The following DPP10 variants were observed in gnomAD, a reference collection of about 807,000 sequenced individuals.
DPP10 encodes dipeptidyl peptidase like 10.
Under a neutral mutation model 120.9 loss-of-function variants are expected in DPP10, and 33 were observed. That is an observed-to-expected ratio of 0.27 (90% confidence interval 0.21 to 0.37). DPP10 has a LOEUF of 0.37. DPP10 is among the 10% of genes least tolerant of loss of function. DPP10 has a pLI of 1.00. For missense variants in DPP10, 816 were observed against 942.8 expected, an observed-to-expected ratio of 0.87 and a Z score of 1.76; for synonymous variants, 337 against 326.1, an observed-to-expected ratio of 1.03 and a Z score of -0.36.
intron 1 of DPP10, among the ~76,000 whole-genome samples, chr2:114,986,828 T>C (rs1700425099): frequency 6.6e-6 from 1 of 152,168 alleles, no homozygotes; most frequent in South Asian, 2.1e-4. Context: ...TGGAGTGCAG[T>C]GGCGCAATCT....
intron 19 of DPP10, among the ~76,000 whole-genome samples, chr2:115,803,061 AT>A (rs1380616115): frequency 6.6e-6 from 1 of 152,104 alleles, no homozygotes; most frequent in African/African-American, 2.4e-5. Flanking sequence ...ATTGTGTGGG[AT>A]TCTAAGTCTC....
chr2:114,874,744 C>A (rs2106574492), intron 1 of DPP10, among the ~76,000 whole-genome samples: 1 of 152,192 alleles, frequency 6.6e-6, no homozygotes, highest in African/African-American at 2.4e-5. Flanking sequence ...GTCCCTGGTG[C>A]CAAAAAGGTT....
chr2:114,491,265 A>G (rs1373817059), intron 1 of DPP10, among the ~76,000 whole-genome samples: 2 of 152,232 alleles, frequency 1.3e-5, no homozygotes, highest in Admixed American at 1.3e-4. Flanking sequence ...ATAAAAAATC[A>G]GAATGAACTG....
chr2:114,523,293 C>T (rs1558841841), intron 1 of DPP10, among the ~76,000 whole-genome samples: 1 of 152,078 alleles, frequency 6.6e-6, no homozygotes, highest in Non-Finnish European at 1.5e-5. Flanking sequence ...GCAGGCTGTT[C>T]AATAGGGAAG....
At chr2:114,570,070 G>A (rs948794822) in intron 1 of DPP10, among the ~76,000 whole-genome samples, 1 of 152,132 alleles carries the variant, frequency 6.6e-6, no homozygotes, top group Non-Finnish European at 1.5e-5. Context: ...AAAGTCTAAT[G>A]GGGGATGAGA....
intron 1 of DPP10, among the ~76,000 whole-genome samples, chr2:114,461,275 C>A (rs1230966255): frequency 6.6e-6 from 1 of 152,156 alleles, no homozygotes. Flanking sequence ...ATTGGCACAG[C>A]CCCCAGTTTC....
chr2:115,780,106 A>G (rs1181946290), intron 15 of DPP10, among the ~76,000 whole-genome samples: 1 of 152,004 alleles, frequency 6.6e-6, no homozygotes, highest in Non-Finnish European at 1.5e-5. Flanking sequence ...TTCTAAAGGT[A>G]TTCTCAACAG....
chr2:115,565,254 A>G (rs1262353507), intron 5 of DPP10, among the ~76,000 whole-genome samples: 1 of 152,202 alleles, frequency 6.6e-6, no homozygotes, highest in Non-Finnish European at 1.5e-5. Context: ...TTGCAAAATT[A>G]TTTAATGAAA....
Position 114,984,455 on chromosome 2 carries a change from A to G in DPP10, c.61-324784A>G, listed in dbSNP as rs528126662. Among the ~76,000 whole-genome samples, 4 of 152,250 alleles carry G rather than the reference A, an allele frequency of 2.6e-5. No homozygotes were observed. In the East Asian group the frequency reaches 7.7e-4, roughly 29 times the overall value. Reference sequence around the variant, plus strand: ...ATAAAAAAGGAAAAAAAAAAAGATCAGAGCTGCAAGTCACTTGCATATGGC... The same window carrying G: ...ATAAAAAAGGAAAAAAAAAAAGATCGGAGCTGCAAGTCACTTGCATATGGC... On this transcript the variant is annotated intron_variant, in intron 1 of 25. Coordinates refer to ENST00000410059, the MANE Select transcript of DPP10 (RefSeq NM_020868.6).
chr2:115,469,885 A>AAAAAAAAAG (rs2074578740), intron 3 of DPP10, among the ~76,000 whole-genome samples: 1 of 103,860 alleles, frequency 9.6e-6, no homozygotes, highest in Non-Finnish European at 2.2e-5. Flanking sequence ...GCAACAAGAG[A>AAAAAAAAAG]AAAAAAAAAA....
intron 1 of DPP10, among the ~76,000 whole-genome samples, chr2:114,961,715 A>T (rs1698650539): frequency 6.6e-6 from 1 of 152,092 alleles, no homozygotes; most frequent in Non-Finnish European, 1.5e-5. Context: ...AGTACTCAGG[A>T]GGCCGAGGTG....
chr2:115,594,929 T>G (rs2082898393), intron 5 of DPP10, among the ~76,000 whole-genome samples: 1 of 152,136 alleles, frequency 6.6e-6, no homozygotes, highest in African/African-American at 2.4e-5. Context: ...AATAACACAT[T>G]TATATAAATA....
intron 1 of DPP10, among the ~76,000 whole-genome samples, chr2:115,142,243 A>C (rs2050967953): frequency 6.6e-6 from 1 of 152,160 alleles, no homozygotes; most frequent in Non-Finnish European, 1.5e-5. Context: ...GGCTTTGCAA[A>C]AAATCATTCA....
chr2:115,563,113 A>G (rs1022168655), intron 5 of DPP10, among the ~76,000 whole-genome samples: 1 of 152,200 alleles, frequency 6.6e-6, no homozygotes, highest in Non-Finnish European at 1.5e-5. Flanking sequence ...AAAACAAAAC[A>G]ATCACCTCTT....
At chr2:115,167,123 A>T (rs1388039009) in intron 1 of DPP10, among the ~76,000 whole-genome samples, 1 of 152,168 alleles carries the variant, frequency 6.6e-6, no homozygotes, top group Non-Finnish European at 1.5e-5. Context: ...CTGTGAATGG[A>T]GGTGACTGCA....
At chr2:115,503,458 C>G (rs1417089225) in intron 4 of DPP10, among the ~76,000 whole-genome samples, 2 of 152,052 alleles carry the variant, frequency 1.3e-5, no homozygotes, top group African/African-American at 2.4e-5. Context: ...GAAACAACAA[C>G]AAAAACAAAC....
chr2:114,513,459 G>T (rs1247967864), intron 1 of DPP10, among the ~76,000 whole-genome samples: 1 of 148,850 alleles, frequency 6.7e-6, no homozygotes, highest in Non-Finnish European at 1.5e-5. Flanking sequence ...AGGCAGAGGT[G>T]GCAGTGAGCC....
chr2:115,014,323 T>A (rs981654873), intron 1 of DPP10, among the ~76,000 whole-genome samples: 1 of 152,074 alleles, frequency 6.6e-6, no homozygotes, highest in African/African-American at 2.4e-5. Flanking sequence ...TATAGCAGAA[T>A]CTCTGGGACA....
intron 1 of DPP10, among the ~76,000 whole-genome samples, chr2:115,214,191 T>C (rs903437117): frequency 6.6e-6 from 1 of 152,136 alleles, no homozygotes; most frequent in Non-Finnish European, 1.5e-5. Flanking sequence ...GGATGTGGAA[T>C]GAATAGGGGT....
Sources: allele counts gnomAD v4.1 joint callset (sites outside exome capture counted in the v4.1 genomes callset), GRCh38; gene constraint gnomAD v4.1.1; transcripts MANE v1.5; gene names NCBI Gene and HGNC (gene_info 2026-07-23, HGNC 2026-07-21).